The following LCT variants were observed in gnomAD, a reference collection of about 807,000 sequenced individuals.
LCT encodes the protein lactase.
LCT carries 90 observed loss-of-function variants against 173.0 expected under a neutral mutation model. The observed-to-expected ratio is 0.52, with a 90% CI of 0.44 to 0.62. The LOEUF is 0.62. Among genes scored for constraint, LCT ranks in the 20% least tolerant of loss-of-function variants. The probability of loss-of-function intolerance (pLI) is 0.00; values close to 1 mark genes in which losing one functional copy is unlikely to be tolerated. For synonymous variants in LCT, 853 were observed against 957.6 expected, an observed-to-expected ratio of 0.89 and a Z score of 2.02; for missense variants, 1,864 against 2,431.4, an observed-to-expected ratio of 0.77 and a Z score of 4.91.
rs756858680 is a variant in LCT at position 135,798,152 on chromosome 2, G to C, written c.4867-14C>G. On this transcript the variant is annotated splice_polypyrimidine_tract_variant and intron_variant, in intron 12 of 16. Coordinates refer to ENST00000264162, the MANE Select transcript of LCT (RefSeq NM_002299.4). ...GCCTCCCATGAACTGCGGGTAGGGT[G>C]GGGGAGACAGCCCAGGCGTTACAGG... 16 of 1,398,804 alleles carry C rather than the reference G, an allele frequency of 1.1e-5. No individual in the cohort carries two copies. Among genetic ancestry groups the C allele is most frequent in the Middle Eastern group, 1.7e-4 (1 of 5,776 alleles). The allele number at this position is 1,398,804 out of a possible 1,614,324, so 86.6% of individuals were successfully genotyped here. A position where few individuals can be genotyped will look rare whatever the true frequency, so the allele number is the denominator to read the frequency against.
In LCT at chr2:135,813,100, C is replaced by T. The variant is rs534938901; in HGVS notation, c.1708-144G>A. On this transcript the variant is annotated intron_variant, in intron 6 of 16. Transcript: ENST00000264162. Reference sequence around the variant, plus strand: ...ACATTGACATTGTCAATATTGACAACATCAGCACTAATGTTAACATCAAGT... The same window carrying T: ...ACATTGACATTGTCAATATTGACAATATCAGCACTAATGTTAACATCAAGT... The T allele has an allele frequency of 3.8e-4, 290 of 758,324 alleles. 1 individual carries two copies. Among genetic ancestry groups the T allele is most frequent in the Middle Eastern group, 3.0e-3 (9 of 3,008 alleles). The allele number at this position is 758,324 out of a possible 1,614,324, so 47.0% of individuals were successfully genotyped here.
intron 14 of LCT, 144 bp from the exon 15 acceptor site, chr2:135,791,025 AT>A (rs2077530111): frequency 1.4e-6 from 1 of 712,902 alleles, no homozygotes; most frequent in Non-Finnish European, 2.5e-6. Context: ...GAAGAATCAA[AT>A]TGCCTCAAAT....
chr2:135,788,482 C>G lies in LCT; in HGVS notation c.5626G>C (p.Gly1876Arg). The G allele has an allele frequency of 1.2e-6, 2 of 1,613,180 alleles. No homozygotes were observed. Among genetic ancestry groups the G allele is most frequent in the Non-Finnish European group, 1.7e-6 (2 of 1,179,982 alleles). ...AAAGCTGTCTGTGCTTCTGTGGTGC[C>G]GAGCATTAGCCCCAGGAACTGCACC... ...EEVQFLGLML[G>R]TTEAQTALYV... The change falls in exon 17 of 17, where the codon GGC becomes CGC. Residue 1876 changes from glycine to arginine, a missense_variant. By Grantham distance (125) the Gly-to-Arg change is moderately radical. Coordinates refer to ENST00000264162, the MANE Select transcript of LCT (RefSeq NM_002299.4).
intron 1 of LCT, 42 bp from the exon 2 acceptor site, chr2:135,833,232 A>T (rs369009738): frequency 2.1e-6 from 3 of 1,446,508 alleles, no homozygotes; most frequent in Admixed American, 1.7e-5. Flanking sequence ...GAGCGAGGGC[A>T]GGAGGCTCTG....
chr2:135,811,497 G>T (rs1022228858), intron 7 of LCT, among the ~76,000 whole-genome samples: 35 of 152,122 alleles, frequency 2.3e-4, no homozygotes, highest in African/African-American at 8.2e-4. Context: ...CGTAGATGTG[G>T]ATCAATTGGA....
At chr2:135,789,864 C>T (rs534539131) in intron 15 of LCT, 66 bp from the exon 16 acceptor site, 18 of 1,334,678 alleles carry the variant, frequency 1.3e-5, no homozygotes, top group Admixed American at 6.7e-5. Context: ...GCCAGGCCTT[C>T]GGAAGCCAGG....
intron 3 of LCT, among the ~76,000 whole-genome samples, chr2:135,824,216 C>T (rs1447629579): frequency 1.3e-5 from 2 of 152,218 alleles, no homozygotes; most frequent in African/African-American, 2.4e-5. Context: ...CACCAACCCC[C>T]ACCTTCACCT....
chr2:135,794,761 G>C lies in LCT; in HGVS notation c.4991C>G (p.Thr1664Arg). 1 of 1,614,186 alleles carries C rather than the reference G, an allele frequency of 6.2e-7. No individual in the cohort carries two copies. Among genetic ancestry groups the C allele is most frequent in the Non-Finnish European group, 8.5e-7 (1 of 1,180,034 alleles). ...GLNKSRLPEFTESEKRRINGT... is the reference protein window; with the variant it reads ...GLNKSRLPEFRESEKRRINGT... ...GTTGATCCTCCTCTTCTCACTCTCT[G>C]TAAATTCTGGCAGCCTGGGTGGAAG... is the stretch of plus-strand genomic sequence containing the variant. Residue 1664 changes from threonine (T) to arginine (R), a missense_variant, in exon 14 of 17, where the codon ACA becomes AGA. By Grantham distance (71) the Thr-to-Arg change is moderately conservative. Coordinates refer to ENST00000264162, the MANE Select transcript of LCT (RefSeq NM_002299.4).
chr2:135,807,806 C>CA (rs34014625), intron 8 of LCT, among the ~76,000 whole-genome samples: 4 of 145,846 alleles, frequency 2.7e-5, no homozygotes, highest in African/African-American at 1.0e-4. Flanking sequence ...GAGACTGTCT[C>CA]AAAAAAAAAA....
At position 135,790,617 on chromosome 2, in the gene LCT, C is replaced by T; in HGVS notation, c.5335+41G>A. 1.5e-6 allele frequency: 2 copies of T among 1,309,174 alleles called. No individual in the cohort carries two copies. Among genetic ancestry groups the T allele is most frequent in the Non-Finnish European group, 2.2e-6 (2 of 903,944 alleles). 81.1% of individuals were successfully genotyped at this position (1,309,174 alleles called of 1,614,324 possible). The stretch of plus-strand genomic sequence containing the variant: ...TCCTGCAAATAGCAGATGTTTCCAA[C>T]AGGGGAAGGTGCACGCTGGGGAAGG... On this transcript the variant is annotated intron_variant, in intron 15 of 16. Coordinates refer to ENST00000264162, the MANE Select transcript of LCT (RefSeq NM_002299.4). The surrounding 1 kb of genome is among the most constrained non-coding windows in gnomAD (Gnocchi z 4.1).
rs1489231732 is a variant in LCT, at chr2:135,807,385, C to T, written c.3916G>A (p.Asp1306Asn). The change falls in exon 9 of 17, where the codon GAT becomes AAT. Residue 1306 changes from aspartate to asparagine, a missense_variant. By Grantham distance (23) the Asp-to-Asn change is conservative. Transcript: ENST00000264162. ...ACATACCCTCGAAGGTCTATACCATCGAGCCTGTAGGCTGGGAACATCCCA... is the reference window on the plus strand; with the variant it reads ...ACATACCCTCGAAGGTCTATACCATTGAGCCTGTAGGCTGGGAACATCCCA... ...INEALKAYRL[D>N]GIDLRGYVAW... The T allele has an allele frequency of 1.9e-6, 3 of 1,614,092 alleles. No individual in the cohort carries two copies. The highest frequency in any genetic ancestry group is 1.7e-5 in the Admixed American group (1 of 60,024).
At chr2:135,793,864 A>C (rs558829446) in intron 14 of LCT, among the ~76,000 whole-genome samples, 103 of 151,866 alleles carry the variant, frequency 6.8e-4, no homozygotes, top group Non-Finnish European at 8.7e-4. Context: ...AGGTCAGGAG[A>C]TAGAGACCAG....
chr2:135,794,723 A>C lies in LCT; in HGVS notation c.5029T>G (p.Phe1677Val). ...GTGGTGTAGTGATTGAACCCAAAAA[A>C]GTCATAGGTGCCGTTGATCCTCCTC... ...EKRRINGTYD[F>V]FGFNHYTTVL... Residue 1677 changes from phenylalanine to valine, a missense_variant, in exon 14 of 17, where the codon TTT becomes GTT. By Grantham distance (50) the Phe-to-Val change is conservative (BLOSUM62 -1). Coordinates refer to ENST00000264162, the MANE Select transcript of LCT (RefSeq NM_002299.4). 1 of 1,614,178 alleles carries C rather than the reference A, an allele frequency of 6.2e-7. No homozygotes were observed. Among genetic ancestry groups the C allele is most frequent in the Non-Finnish European group, 8.5e-7 (1 of 1,179,990 alleles).
Position 135,790,730 on chromosome 2 carries a change from G to T in LCT, c.5263C>A (p.Arg1755=), listed in dbSNP as rs763787706. The part of the protein sequence containing the change: ...IYVTENGVSQ[R]EETDLNDTAR... ...GTGTCATTGAGGTCTGTTTCTTCCC[G>T]CTGGGACACTCCATTCTCTGTGACA... The change falls in exon 15 of 17, where the codon CGG becomes AGG. Residue 1755 remains arginine, a synonymous_variant. Coordinates refer to ENST00000264162, the MANE Select transcript of LCT (RefSeq NM_002299.4). The surrounding 1 kb of genome is among the most constrained non-coding windows in gnomAD (Gnocchi z 4.1). 1 of 1,613,510 alleles carries T rather than the reference G, an allele frequency of 6.2e-7. No individual in the cohort carries two copies. The highest frequency in any genetic ancestry group is 8.5e-7 in the Non-Finnish European group (1 of 1,179,816).
At chr2:135,797,588 G>C (rs2077592727) in intron 13 of LCT, among the ~76,000 whole-genome samples, 1 of 152,168 alleles carries the variant, frequency 6.6e-6, no homozygotes, top group Non-Finnish European at 1.5e-5. Flanking sequence ...GGTAAACGTT[G>C]GCTGCTAATG....
In LCT at chr2:135,790,399, G is replaced by C. The variant is rs866434172; in HGVS notation, c.5335+259C>G. On this transcript the variant is annotated intron_variant, in intron 15 of 16. Coordinates refer to ENST00000264162, the MANE Select transcript of LCT (RefSeq NM_002299.4). This position sits in a 1 kb window ranked among gnomAD's most constrained non-coding sequence, Gnocchi z 4.1. ...GGCACTGCTGTTCCGACATCAGGGA[G>C]GATCAAGGGGAGCAAGTGACTCAGG... Among the ~76,000 whole-genome samples, 3 of 152,210 alleles carry C rather than the reference G, an allele frequency of 2.0e-5. No homozygotes were observed. Among genetic ancestry groups the C allele is most frequent in the East Asian group, 1.9e-4 (1 of 5,192 alleles).
intron 7 of LCT, among the ~76,000 whole-genome samples, chr2:135,810,655 A>G (rs1284041922): frequency 6.6e-6 from 1 of 152,040 alleles, no homozygotes; most frequent in African/African-American, 2.4e-5. Flanking sequence ...ATTGACATTA[A>G]GTGACAACAT....
chr2:135,802,547 C>T (rs1023798087), intron 11 of LCT, among the ~76,000 whole-genome samples: 11 of 152,168 alleles, frequency 7.2e-5, no homozygotes, highest in African/African-American at 2.4e-4. Flanking sequence ...AAGGATGAAT[C>T]TTGTCATTCG....
chr2:135,826,711 C>T (rs1458274506), intron 3 of LCT, among the ~76,000 whole-genome samples: 1 of 152,150 alleles, frequency 6.6e-6, no homozygotes, highest in Non-Finnish European at 1.5e-5. Flanking sequence ...TTTGTCTGAA[C>T]CCATTAGCCT....
Sources: allele counts gnomAD v4.1 joint callset (sites outside exome capture counted in the v4.1 genomes callset), GRCh38; gene constraint gnomAD v4.1.1; non-coding constraint Gnocchi (gnomAD v3.1); transcripts MANE v1.5; gene names NCBI Gene and HGNC (gene_info 2026-07-23, HGNC 2026-07-21).